AATF: variants seen among roughly 807,000 people sequenced by gnomAD.
AATF encodes apoptosis antagonizing transcription factor.
In AATF, 48 loss-of-function variants were observed where a neutral mutation model predicts 63.7. The observed-to-expected ratio is 0.75, with a 90% confidence interval of 0.60 to 0.96. The LOEUF (loss-of-function observed/expected upper bound fraction) is 0.96. Among genes scored for constraint, AATF ranks in the 40% least tolerant of loss-of-function variants. AATF has a pLI of 0.00. For missense variants in AATF, 639 were observed against 685.7 expected (o/e 0.93, Z 0.76); for synonymous variants, 258 against 247.7 (o/e 1.04, Z -0.39).
chr17:37,019,115 A>C, intron 9 of AATF, 43 bp downstream of exon 9: 1 of 1,524,744 alleles, frequency 6.6e-7, no homozygotes, highest in Non-Finnish European at 9.1e-7. Context: ...CAGCCTATGT[A>C]ATAGTTTCTC....
rs2070870662 is a variant in AATF at position 36,953,206 on chromosome 17, AAC to A, written c.606_607del (p.Asn202LysfsTer2). ...ESEEDRAGDR[N>X]SEDDGVVMTF... Reference sequence around the variant, plus strand: ...TGAGGAAGACAGGGCTGGAGATAGAAACAGTGAGGATGATGGTGTGGTGATGA... The same window carrying A: ...TGAGGAAGACAGGGCTGGAGATAGAAAGTGAGGATGATGGTGTGGTGATGA... On this transcript the variant is annotated frameshift_variant, in exon 3 of 12. Transcript: ENST00000619387. LOFTEE classifies it high-confidence loss of function. 3 of 1,614,070 alleles carry A rather than the reference AAC, an allele frequency of 1.9e-6. No homozygotes were observed. The highest frequency in any genetic ancestry group is 2.5e-6 in the Non-Finnish European group (3 of 1,180,042).
chr17:37,016,066 A>G (rs2071426487), intron 8 of AATF, among the ~76,000 whole-genome samples: 1 of 152,196 alleles, frequency 6.6e-6, no homozygotes, highest in African/African-American at 2.4e-5. Context: ...CCTCACAGGA[A>G]TTCTGCGGCC....
rs140729151 is a variant in AATF at position 36,993,198 on chromosome 17, G to A, written c.1398+2341G>A. 1.4e-3 allele frequency among the ~76,000 whole-genome samples: 206 copies of A among 152,272 alleles called. 1 individual carries two copies. Among genetic ancestry groups the A allele is most frequent in the African/African-American group, 4.8e-3 (200 of 41,560 alleles). On this transcript the variant is annotated intron_variant, in intron 8 of 11. Transcript: ENST00000619387. ...ATCCTAGCCTCGTACATCACATTCC[G>A]ACATCTGCTGAGCTGCAAGGCAGCT...
At chr17:37,007,484 A>G (rs1436577998) in intron 8 of AATF, among the ~76,000 whole-genome samples, 2 of 149,584 alleles carry the variant, frequency 1.3e-5, no homozygotes, top group South Asian at 4.2e-4. Flanking sequence ...GATTACAGGC[A>G]TCAGCCACTG....
chr17:37,038,046 G>T (rs1268888114), intron 11 of AATF, among the ~76,000 whole-genome samples: 1 of 152,146 alleles, frequency 6.6e-6, no homozygotes, highest in African/African-American at 2.4e-5. Flanking sequence ...TGTACAGCCT[G>T]CAGAACCGTG....
intron 11 of AATF, chr17:37,034,761 A>G (rs934349787): frequency 5.3e-5 from 8 of 152,216 alleles, no homozygotes; most frequent in African/African-American, 1.9e-4. Flanking sequence ...CTATGTAAAG[A>G]GTTTTTACAA....
intron 4 of AATF, among the ~76,000 whole-genome samples, chr17:36,973,691 A>T (rs1021803363): frequency 2.6e-5 from 4 of 152,236 alleles, no homozygotes; most frequent in African/African-American, 9.6e-5. Flanking sequence ...TAGGCAGGTA[A>T]GACCATTTTT....
intron 4 of AATF, among the ~76,000 whole-genome samples, chr17:36,978,474 T>TTTTAGAATGA (rs1368496120): frequency 6.6e-6 from 1 of 152,082 alleles, no homozygotes; most frequent in Non-Finnish European, 1.5e-5. Context: ...GCCTTCATGA[T>TTTTAGAATGA]TTTAGAATAT....
intron 4 of AATF, among the ~76,000 whole-genome samples, chr17:36,964,656 T>A (rs1567966801): frequency 1.3e-5 from 2 of 152,240 alleles, no homozygotes; most frequent in South Asian, 2.1e-4. Context: ...AGGAGAATAT[T>A]CCTAGTTTAG....
intron 4 of AATF, 69 bp downstream of exon 4, chr17:36,953,976 G>A: frequency 6.6e-7 from 1 of 1,520,978 alleles, no homozygotes; most frequent in Non-Finnish European, 8.9e-7. Context: ...TTTGATTGAA[G>A]TGGACTGGGA....
intron 11 of AATF, among the ~76,000 whole-genome samples, chr17:37,044,787 A>C (rs2071675451): frequency 6.6e-6 from 1 of 152,122 alleles, no homozygotes; most frequent in Admixed American, 6.6e-5. Context: ...TCCAGTGAGC[A>C]TTTTCTTACA....
intron 4 of AATF, among the ~76,000 whole-genome samples, chr17:36,963,056 T>C (rs2070961226): frequency 6.6e-6 from 1 of 152,010 alleles, no homozygotes; most frequent in Non-Finnish European, 1.5e-5. Context: ...GAGGTGGAGA[T>C]TGCAGTGAGC....
At chr17:37,029,014 A>G (rs572920370) in intron 10 of AATF, among the ~76,000 whole-genome samples, 4 of 152,232 alleles carry the variant, frequency 2.6e-5, no homozygotes, top group African/African-American at 9.6e-5. Context: ...CTATAGGTAG[A>G]AGGATTGTGT....
intron 11 of AATF, among the ~76,000 whole-genome samples, chr17:37,032,332 T>A (rs2071557966): frequency 6.6e-6 from 1 of 152,218 alleles, no homozygotes; most frequent in Admixed American, 6.5e-5. Flanking sequence ...TTATGTTTAT[T>A]TTGATATTAA....
Position 37,014,292 on chromosome 17 carries a change from T to TAATAATAA in AATF, c.1399-4712_1399-4705dup, listed in dbSNP as rs1555651884. On this transcript the variant is annotated intron_variant, in intron 8 of 11. Transcript: ENST00000619387. Reference sequence around the variant, plus strand: ...GTAATAATAATAATAATAATAATAATAATAATAATAAGGCTGTATATGGAA... The same window carrying TAATAATAA: ...GTAATAATAATAATAATAATAATAATAATAATAAAATAATAATAAGGCTGTATATGGAA... Among the ~76,000 whole-genome samples the TAATAATAA allele has an allele frequency of 7.3e-5, 11 of 150,546 alleles. No individual in the cohort carries two copies. The South Asian group carries it at 1.9e-3, about 26-fold the overall frequency.
At chr17:37,014,389 T>C (rs2071414651) in intron 8 of AATF, among the ~76,000 whole-genome samples, 1 of 152,126 alleles carries the variant, frequency 6.6e-6, no homozygotes, top group Non-Finnish European at 1.5e-5. Flanking sequence ...GCTCTTGCTA[T>C]TGAGACGTCT....
intron 11 of AATF, chr17:37,045,890 C>T (rs1597741425): frequency 6.6e-6 from 1 of 152,234 alleles, no homozygotes; most frequent in East Asian, 1.9e-4. Context: ...GAAAGCTCAC[C>T]TGGCAGGTGT....
intron 11 of AATF, among the ~76,000 whole-genome samples, chr17:37,049,911 G>C (rs1325733952): frequency 6.6e-6 from 1 of 152,154 alleles, no homozygotes. Context: ...GTGCAGGAGA[G>C]ATGGAGTCCT....
intron 4 of AATF, among the ~76,000 whole-genome samples, chr17:36,976,242 A>G (rs900272551): frequency 3.3e-5 from 5 of 152,188 alleles, no homozygotes; most frequent in African/African-American, 1.2e-4. Flanking sequence ...AAAACTGTGC[A>G]ATTGTTTTTT....
Sources: allele counts gnomAD v4.1 joint callset (sites outside exome capture counted in the v4.1 genomes callset), GRCh38; gene constraint gnomAD v4.1.1; transcripts MANE v1.5; gene names NCBI Gene and HGNC (gene_info 2026-07-23, HGNC 2026-07-21).